Variants in CPNE8 observed in about 807,000 individuals in gnomAD.
CPNE8 encodes the protein copine-8.
A neutral mutation model predicts 81.5 loss-of-function variants in CPNE8; 45 were observed. The ratio of observed to expected loss-of-function variants is 0.55; its 90% CI spans 0.44 to 0.71. CPNE8 has a LOEUF of 0.71. Ranked by LOEUF, CPNE8 falls within the 30% of genes least tolerant of loss-of-function variation. The pLI is 0.00. For synonymous variants in CPNE8, 252 were observed against 226.3 expected, an observed-to-expected ratio of 1.11 and a Z score of -1.02; for missense variants, 594 against 672.1, an observed-to-expected ratio of 0.88 and a Z score of 1.28.
At chr12:38,794,579 G>A (rs1942409195) in intron 6 of CPNE8, among the ~76,000 whole-genome samples, 1 of 151,688 alleles carries the variant, frequency 6.6e-6, no homozygotes. Flanking sequence ...ATTAAGAAAT[G>A]GAAATCAGAT....
chr12:38,798,731 C>A (rs1273788574), intron 6 of CPNE8, among the ~76,000 whole-genome samples: 1 of 151,958 alleles, frequency 6.6e-6, no homozygotes, highest in African/African-American at 2.4e-5. Context: ...ACTAAATGCT[C>A]CAATTGAAAG....
chr12:38,742,241 C>T (rs377137735), intron 10 of CPNE8, among the ~76,000 whole-genome samples: 38 of 152,034 alleles, frequency 2.5e-4, no homozygotes, highest in African/African-American at 7.5e-4. Context: ...ATGTTTATTG[C>T]GGCACTATTC....
chr12:38,791,078 A>T (rs1199289562), intron 6 of CPNE8, among the ~76,000 whole-genome samples: 1 of 151,672 alleles, frequency 6.6e-6, no homozygotes, highest in East Asian at 1.9e-4. Context: ...AACTATGTAC[A>T]CTTTCATCTT....
At chr12:38,901,902 T>G (rs930847772) in intron 1 of CPNE8, among the ~76,000 whole-genome samples, 2 of 152,200 alleles carry the variant, frequency 1.3e-5, no homozygotes, top group South Asian at 4.1e-4. Flanking sequence ...CCGTGTCTTA[T>G]GTAGTGTTTA....
At chr12:38,660,931 T>A (rs1323090368) in intron 19 of CPNE8, among the ~76,000 whole-genome samples, 1 of 152,148 alleles carries the variant, frequency 6.6e-6, no homozygotes, top group African/African-American at 2.4e-5. Flanking sequence ...CCAGTTAGAA[T>A]GGCAATCATT....
chr12:38,815,067 G>A (rs11833115), intron 6 of CPNE8, among the ~76,000 whole-genome samples: 9,415 of 152,058 alleles, frequency 0.062, 963 homozygotes, highest in African/African-American at 0.21. Context: ...CTTCTATGGT[G>A]TCGTCAACCC....
Position 38,760,768 on chromosome 12 carries a change from T to G in CPNE8, c.722+79A>C, listed in dbSNP as rs565190007. 7.2e-6 allele frequency: 8 copies of G among 1,107,058 alleles called. No individual in the cohort carries two copies. The South Asian group carries it at 1.1e-4, about 15-fold the overall frequency. The allele number at this position is 1,107,058 out of a possible 1,614,324, so 68.6% of individuals were successfully genotyped here. On this transcript the variant is annotated intron_variant, in intron 10 of 19. Transcript: ENST00000331366. ...AAATATGCCATCTAAAAATTACAAT[T>G]TAAAAATGTGGTCATTTCAATGTAT...
intron 4 of CPNE8, among the ~76,000 whole-genome samples, chr12:38,847,268 GA>G (rs1361423689): frequency 6.6e-6 from 1 of 152,140 alleles, no homozygotes; most frequent in East Asian, 1.9e-4. Flanking sequence ...AAAGAATCAT[GA>G]AATAGAGGCT....
At chr12:38,843,683 T>A (rs74086023) in intron 4 of CPNE8, among the ~76,000 whole-genome samples, 6,841 of 152,186 alleles carry the variant, frequency 0.045, 388 homozygotes, top group African/African-American at 0.13. Context: ...ATGTCCTTTT[T>A]GGCCCCTCCT....
At chr12:38,843,061 A>G (rs1381657007) in intron 4 of CPNE8, among the ~76,000 whole-genome samples, 1 of 152,206 alleles carries the variant, frequency 6.6e-6, no homozygotes, top group Non-Finnish European at 1.5e-5. Flanking sequence ...GACAGAATAT[A>G]TGATCATGGA....
chr12:38,658,671 G>A (rs911502016), intron 19 of CPNE8, among the ~76,000 whole-genome samples: 1 of 152,166 alleles, frequency 6.6e-6, no homozygotes, highest in Non-Finnish European at 1.5e-5. Context: ...TACCCACAAA[G>A]GGAAACCCAT....
chr12:38,849,571 T>C (rs1943612820), intron 3 of CPNE8, among the ~76,000 whole-genome samples: 1 of 152,202 alleles, frequency 6.6e-6, no homozygotes, highest in East Asian at 1.9e-4. Context: ...TGATAATCCA[T>C]TAAAATGTGA....
In CPNE8 at chr12:38,905,482, C is replaced by T; in HGVS notation, c.53G>A (p.Ser18Asn). 1.9e-6 allele frequency: 3 copies of T among 1,576,728 alleles called. No individual in the cohort carries two copies. The highest frequency in any genetic ancestry group is 2.7e-5 in the African/African-American group (2 of 74,546). ...CACCCGCGTGGCCGGGATGGCAGCG[C>T]TCAGCTGGTTCAAGTCCCCGATGCC... is the stretch of plus-strand genomic sequence containing the variant. ...TAGIGDLNQL[S>N]AAIPATRVEV... Residue 18 changes from serine (S) to asparagine (N), a missense_variant, in exon 1 of 20, where the codon AGC becomes AAC. Coordinates refer to ENST00000331366, the MANE Select transcript of CPNE8 (RefSeq NM_153634.3).
intron 1 of CPNE8, among the ~76,000 whole-genome samples, chr12:38,893,742 T>G (rs1277158879): frequency 2.0e-5 from 3 of 152,206 alleles, no homozygotes; most frequent in Admixed American, 1.3e-4. Flanking sequence ...CTATTACTTT[T>G]TCTTCACAAA....
intron 9 of CPNE8, 36 bp downstream of exon 9, chr12:38,762,076 T>A (rs572248329): frequency 9.1e-7 from 1 of 1,099,504 alleles, no homozygotes; most frequent in East Asian, 2.8e-5. Context: ...TTTTTAAAAG[T>A]TATTTGAAGA....
intron 10 of CPNE8, among the ~76,000 whole-genome samples, chr12:38,743,449 C>G (rs930289958): frequency 2.0e-5 from 3 of 151,860 alleles, no homozygotes; most frequent in Non-Finnish European, 4.4e-5. Flanking sequence ...CAAAAATGAT[C>G]CAAAATATTT....
Position 38,879,005 on chromosome 12 carries a change from AGGT to A in CPNE8, c.99-4497_99-4495del, listed in dbSNP as rs1388725697. ...TACGACAACAACAACAACAAAAGCC[AGGT>A]ACAGTAATTAGTTCTTATTCCAACT... On this transcript the variant is annotated intron_variant, in intron 1 of 19. Transcript: ENST00000331366. Among the ~76,000 whole-genome samples, 6 of 152,330 alleles carry A rather than the reference AGGT, an allele frequency of 3.9e-5. No individual in the cohort carries two copies. In the East Asian group the frequency reaches 7.7e-4, roughly 20 times the overall value.
intron 19 of CPNE8, among the ~76,000 whole-genome samples, chr12:38,662,166 C>T (rs528305326): frequency 3.3e-5 from 5 of 152,198 alleles, no homozygotes; most frequent in African/African-American, 1.2e-4. Context: ...AGAAATTAGG[C>T]AACAGAAAGA....
At chr12:38,698,456 T>C (rs900803469) in intron 14 of CPNE8, among the ~76,000 whole-genome samples, 7 of 152,210 alleles carry the variant, frequency 4.6e-5, no homozygotes, top group Admixed American at 4.6e-4. Context: ...GAGTTTGGTA[T>C]CTTATTTAAG....
Sources: gnomAD v4.1 joint callset for allele counts (sites outside exome capture counted in the v4.1 genomes callset) on GRCh38, gnomAD v4.1.1 for gene constraint, MANE v1.5 for transcripts, NCBI Gene and HGNC (gene_info 2026-07-23, HGNC 2026-07-21) for gene names.